Variants in MYO5C observed in about 807,000 individuals in gnomAD.
MYO5C encodes the protein myosin VC.
A neutral mutation model predicts 235.7 loss-of-function variants in MYO5C; 194 were observed. The observed-to-expected ratio is 0.82, with a 90% CI of 0.73 to 0.93. The LOEUF (loss-of-function observed/expected upper bound fraction) is 0.93. Ranked by LOEUF, MYO5C falls within the 40% of genes least tolerant of loss-of-function variation. The pLI, the probability that MYO5C is intolerant of heterozygous loss-of-function variation, is 0.00. For missense variants in MYO5C, 2,038 were observed against 2,127.2 expected, an observed-to-expected ratio of 0.96 and a Z score of 0.82; for synonymous variants, 707 against 754.8, an observed-to-expected ratio of 0.94 and a Z score of 1.04.
chr15:52,234,675 G>A (rs35800443), intron 23 of MYO5C, among the ~76,000 whole-genome samples: 12,224 of 152,240 alleles, frequency 0.08, 647 homozygotes, highest in East Asian at 0.24. Flanking sequence ...TGGAGGGCAC[G>A]CAGCACCTAG....
chr15:52,244,216 C>T (rs10152377), intron 19 of MYO5C, 140 bp downstream of exon 19: 89,039 of 739,026 alleles, frequency 0.12, 13,677 homozygotes, highest in East Asian at 0.59. Flanking sequence ...CTAATGCTCA[C>T]GACCACAAAG....
In MYO5C at chr15:52,242,072, G is replaced by T. The variant is rs772298768; in HGVS notation, c.2532C>A (p.Phe844Leu). The part of the protein sequence containing the change: ...TITMQAYSRG[F>L]LARRRYRKML... ...CCTTTCGATACCTCCTCCTTGCCAGGAATCCTCGGCTGTAGGCCTGCATTG... is the reference window on the plus strand; with the variant it reads ...CCTTTCGATACCTCCTCCTTGCCAGTAATCCTCGGCTGTAGGCCTGCATTG... The change falls in exon 20 of 41, where the codon TTC (phenylalanine) becomes TTA (leucine). Residue 844 changes from phenylalanine to leucine, a missense_variant. Physicochemically the swap from Phe to Leu is conservative, Grantham distance 22. Transcript: ENST00000261839. 25 of 1,612,900 alleles carry T rather than the reference G, an allele frequency of 1.6e-5. No individual in the cohort carries two copies. The African/African-American group carries it at 3.1e-4, about 20-fold the overall frequency.
intron 1 of MYO5C, among the ~76,000 whole-genome samples, chr15:52,288,832 C>T (rs2037329010): frequency 6.6e-6 from 1 of 152,186 alleles, no homozygotes; most frequent in Non-Finnish European, 1.5e-5. Flanking sequence ...CCCTGAGTGC[C>T]CTCCCCATGC....
intron 22 of MYO5C, among the ~76,000 whole-genome samples, chr15:52,236,193 C>A (rs967618935): frequency 2.0e-5 from 3 of 152,242 alleles, no homozygotes; most frequent in African/African-American, 7.2e-5. Flanking sequence ...GGATTCCTAT[C>A]ATTTCAACTT....
intron 29 of MYO5C, among the ~76,000 whole-genome samples, chr15:52,222,812 A>G (rs950120993): frequency 6.6e-6 from 1 of 152,198 alleles, no homozygotes; most frequent in Non-Finnish European, 1.5e-5. Flanking sequence ...TGGAAGAAAG[A>G]ATGAGACAAA....
intron 4 of MYO5C, among the ~76,000 whole-genome samples, chr15:52,278,552 G>A (rs2037098204): frequency 6.7e-6 from 1 of 149,744 alleles, no homozygotes; most frequent in Non-Finnish European, 1.5e-5. Flanking sequence ...AAAAAAAAAA[G>A]CTTAAACGTC....
At chr15:52,197,900 C>A (rs1360778739) in intron 38 of MYO5C, among the ~76,000 whole-genome samples, 1 of 151,752 alleles carries the variant, frequency 6.6e-6, no homozygotes, top group African/African-American at 2.4e-5. Context: ...CCTCCCAAAG[C>A]GCTGGGATTA....
chr15:52,240,066 A>G (rs1478346642), intron 20 of MYO5C, among the ~76,000 whole-genome samples, 187 bp from the exon 21 acceptor site: 1 of 152,186 alleles, frequency 6.6e-6, no homozygotes, highest in East Asian at 1.9e-4. Flanking sequence ...GTGTATATGA[A>G]CAGACACTCT....
intron 2 of MYO5C, among the ~76,000 whole-genome samples, chr15:52,282,397 A>G (rs1337550189): frequency 1.3e-5 from 2 of 152,204 alleles, no homozygotes; most frequent in Non-Finnish European, 2.9e-5. Context: ...CCTTGGGCTC[A>G]AACGACTTCT....
chr15:52,287,296 A>C (rs1228089481), intron 1 of MYO5C, among the ~76,000 whole-genome samples: 1 of 152,198 alleles, frequency 6.6e-6, no homozygotes, highest in Admixed American at 6.5e-5. Context: ...CTCATAAAGA[A>C]ACACACAGAC....
chr15:52,233,210 T>C (rs1439205798), intron 23 of MYO5C, among the ~76,000 whole-genome samples: 725 of 17,610 alleles, frequency 0.041, 324 homozygotes, highest in Middle Eastern at 0.25. Flanking sequence ...ACCCGGGAGG[T>C]GGAGCTTGCA....
chr15:52,199,470 G>A (rs935974762), intron 38 of MYO5C, among the ~76,000 whole-genome samples: 2 of 152,066 alleles, frequency 1.3e-5, no homozygotes, highest in East Asian at 3.9e-4. Context: ...AGGTGTATTG[G>A]GGAAGATGAC....
intron 23 of MYO5C, among the ~76,000 whole-genome samples, chr15:52,233,533 T>C (rs535306319): frequency 2.2e-4 from 33 of 152,286 alleles, no homozygotes; most frequent in South Asian, 1.0e-3. Flanking sequence ...TTTCCAGACA[T>C]TGGCAAATGT....
chr15:52,256,610 C>CG (rs778119866), intron 11 of MYO5C, 29 bp downstream of exon 11: 1 of 1,279,872 alleles, frequency 7.8e-7, no homozygotes, highest in Non-Finnish European at 1.1e-6. Context: ...CGGCTGAGAA[C>CG]TAGTCAAGAA....
chr15:52,245,320 G>A (rs746254882), intron 18 of MYO5C, 34 bp downstream of exon 18: 9 of 1,365,732 alleles, frequency 6.6e-6, no homozygotes, highest in South Asian at 3.5e-5. Flanking sequence ...CTTCCAGGAA[G>A]GAGACCATGA....
chr15:52,264,686 A>G (rs1230870732), intron 8 of MYO5C, among the ~76,000 whole-genome samples: 2 of 152,276 alleles, frequency 1.3e-5, no homozygotes, highest in African/African-American at 4.8e-5. Flanking sequence ...GGATTGCTGG[A>G]GGGATTCCGT....
At chr15:52,205,762 T>C in intron 37 of MYO5C, 54 bp downstream of exon 37, 1 of 1,183,970 alleles carries the variant, frequency 8.4e-7, no homozygotes, top group Non-Finnish European at 1.2e-6. Context: ...GTTTATGTTT[T>C]AAAAAGTCTT....
intron 20 of MYO5C, among the ~76,000 whole-genome samples, chr15:52,240,545 AAAGAAAAAGAAGAAAAAAG>A (rs1566975261): frequency 4.2e-5 from 6 of 141,486 alleles, no homozygotes; most frequent in Admixed American, 2.9e-4. Context: ...CTCTACAAAA[AAAGAAAAAGAAGAAAAAAG>A]AAAAAAAAAA....
rs954298526 is a variant in MYO5C, at chr15:52,264,012, G to A, written c.1047+178C>T. On this transcript the variant is annotated intron_variant, in intron 9 of 40. Transcript: ENST00000261839. ...TTCCCCTCCTCTACTGTTGCAAGGG[G>A]AGGAGGCTTTACTCTTTGAAGGCAA... Among the ~76,000 whole-genome samples, 4 of 152,144 alleles carry A rather than the reference G, an allele frequency of 2.6e-5. No individual in the cohort carries two copies. The East Asian group carries it at 5.8e-4, about 22-fold the overall frequency.
Sources: gnomAD v4.1 joint callset for allele counts (sites outside exome capture counted in the v4.1 genomes callset) on GRCh38, gnomAD v4.1.1 for gene constraint, MANE v1.5 for transcripts, NCBI Gene and HGNC (gene_info 2026-07-23, HGNC 2026-07-21) for gene names.